Variants in C13orf42 observed in about 807,000 individuals in gnomAD.
The protein encoded by C13orf42 is chromosome 13 open reading frame 42.
At chr13:51,153,933 C>T (rs889550921) in intron 1 of C13orf42, among the ~76,000 whole-genome samples, 4 of 151,966 alleles carry the variant, frequency 2.6e-5, no homozygotes, top group Admixed American at 2.6e-4. Flanking sequence ...ATGCCTGACC[C>T]AACCCATCTT....
intron 1 of C13orf42, among the ~76,000 whole-genome samples, chr13:51,106,220 C>T (rs558650149): frequency 2.0e-5 from 3 of 152,238 alleles, no homozygotes; most frequent in South Asian, 2.1e-4. Context: ...TAAAGCATAC[C>T]TTCTGGCCAC....
In C13orf42 at chr13:51,156,698, C is replaced by T. The variant is rs117578513; in HGVS notation, n.136+15555G>A. On this transcript the variant is annotated intron_variant and non_coding_transcript_variant, in intron 1 of 4. Transcript: ENST00000433280. Reference sequence around the variant, plus strand: ...GTGGAAAAAATCGGTATCTACAAAGCACTTAGAACTGAATAGGTACTTGAT... The same window carrying T: ...GTGGAAAAAATCGGTATCTACAAAGTACTTAGAACTGAATAGGTACTTGAT... 6.2e-3 allele frequency among the ~76,000 whole-genome samples: 948 copies of T among 152,288 alleles called. 7 individuals are homozygous for T. Among genetic ancestry groups the T allele is most frequent in the Non-Finnish European group, 7.4e-3 (504 of 68,014 alleles).
chr13:51,143,073 T>C (rs1953707906), intron 1 of C13orf42, among the ~76,000 whole-genome samples: 2 of 152,216 alleles, frequency 1.3e-5, no homozygotes. Flanking sequence ...TATCTTCCTG[T>C]ATATGCTTTT....
intron 1 of C13orf42, among the ~76,000 whole-genome samples, chr13:51,158,547 A>T (rs895554354): frequency 6.6e-6 from 1 of 152,242 alleles, no homozygotes; most frequent in African/African-American, 2.4e-5. Flanking sequence ...TCTTCCCAGC[A>T]GAAGTGACAC....
intron 1 of C13orf42, among the ~76,000 whole-genome samples, chr13:51,123,268 T>G (rs1953550445): frequency 6.6e-6 from 1 of 152,246 alleles, no homozygotes; most frequent in African/African-American, 2.4e-5. Flanking sequence ...GATTTCTTTC[T>G]CAATCATATT....
intron 1 of C13orf42, among the ~76,000 whole-genome samples, chr13:51,132,208 C>T (rs567267351): frequency 5.8e-4 from 88 of 152,208 alleles, no homozygotes; most frequent in Middle Eastern, 3.4e-3. Context: ...TTTGGGAGGC[C>T]GAGGCGGGCA....
intron 1 of C13orf42, among the ~76,000 whole-genome samples, chr13:51,105,660 T>C (rs1057342229): frequency 3.3e-5 from 5 of 152,232 alleles, no homozygotes; most frequent in African/African-American, 4.8e-5. Flanking sequence ...CTAAGGCTCA[T>C]CTATGGCAGC....
intron 1 of C13orf42, among the ~76,000 whole-genome samples, chr13:51,090,631 CTAT>C (rs1446307435): frequency 6.6e-6 from 1 of 152,098 alleles, no homozygotes; most frequent in Non-Finnish European, 1.5e-5. Context: ...CTGGGTTACC[CTAT>C]TATTTGATTT....
intron 1 of C13orf42, among the ~76,000 whole-genome samples, chr13:51,126,534 G>C (rs2138018040): frequency 6.6e-6 from 1 of 152,280 alleles, no homozygotes; most frequent in East Asian, 1.9e-4. Context: ...AGCTCCATTT[G>C]TTAAATTGTC....
At chr13:51,092,165 A>G (rs1360963393) in intron 1 of C13orf42, among the ~76,000 whole-genome samples, 1 of 151,292 alleles carries the variant, frequency 6.6e-6, no homozygotes, top group Non-Finnish European at 1.5e-5. Context: ...ACCTCTTTTC[A>G]CTCTCCAACG....
At chr13:51,151,389 AAAACAAAC>A (rs996953031) in intron 1 of C13orf42, among the ~76,000 whole-genome samples, 1 of 152,278 alleles carries the variant, frequency 6.6e-6, no homozygotes, top group Middle Eastern at 3.4e-3. Flanking sequence ...AAAAAAAGAA[AAAACAAAC>A]AAACAAACAA....
chr13:51,145,467 T>C (rs7339138), intron 1 of C13orf42, among the ~76,000 whole-genome samples: 93,774 of 152,048 alleles, frequency 0.62, 29,219 homozygotes, highest in African/African-American at 0.7. Context: ...CCATCCTAGC[T>C]ATGAGAGATC....
intron 1 of C13orf42, among the ~76,000 whole-genome samples, chr13:51,160,413 G>A (rs1566142525): frequency 6.6e-6 from 1 of 152,256 alleles, no homozygotes; most frequent in Non-Finnish European, 1.5e-5. Flanking sequence ...GGGAGGCTGA[G>A]GCAGGAGAGT....
At chr13:51,085,262 C>A in intron 3 of C13orf42, 57 bp downstream of exon 3, 1 of 395,188 alleles carries the variant, frequency 2.5e-6, no homozygotes, top group South Asian at 1.4e-4. Context: ...AGGATCACCC[C>A]AAGCGTCTGG....
At chr13:51,126,607 T>G (rs1185510114) in intron 1 of C13orf42, among the ~76,000 whole-genome samples, 1 of 152,184 alleles carries the variant, frequency 6.6e-6, no homozygotes, top group Non-Finnish European at 1.5e-5. Context: ...AAATGGAAGG[T>G]GCTAGGCAAA....
intron 1 of C13orf42, among the ~76,000 whole-genome samples, chr13:51,101,023 A>G (rs923105008): frequency 4.6e-5 from 7 of 152,226 alleles, no homozygotes; most frequent in Admixed American, 4.6e-4. Flanking sequence ...TATGAACCAA[A>G]TTTAGTACAT....
At chr13:51,121,163 G>A (rs533604093) in intron 1 of C13orf42, among the ~76,000 whole-genome samples, 1 of 152,284 alleles carries the variant, frequency 6.6e-6, no homozygotes, top group East Asian at 1.9e-4. Context: ...CCTGCACTCA[G>A]AAGGGCGCGC....
chr13:51,101,165 C>G (rs934910412), intron 1 of C13orf42, among the ~76,000 whole-genome samples: 1 of 152,092 alleles, frequency 6.6e-6, no homozygotes, highest in Admixed American at 6.6e-5. Context: ...ATGGGACATC[C>G]TTATACTAAA....
At chr13:51,119,630 T>A (rs1246755489) in intron 1 of C13orf42, among the ~76,000 whole-genome samples, 3 of 152,206 alleles carry the variant, frequency 2.0e-5, no homozygotes, top group Non-Finnish European at 4.4e-5. Flanking sequence ...GAAGACATGA[T>A]GCGACGTGAA....
Sources: gnomAD v4.1 joint callset for allele counts (sites outside exome capture counted in the v4.1 genomes callset) on GRCh38, gnomAD v4.1.1 for gene constraint, MANE v1.5 for transcripts, NCBI Gene and HGNC (gene_info 2026-07-23, HGNC 2026-07-21) for gene names.